PKNOX2: variants seen among roughly 807,000 people sequenced by gnomAD.
PKNOX2 encodes the protein PBX/knotted 1 homeobox 2, also known as homeobox protein PKNOX2.
PKNOX2 carries 14 observed loss-of-function variants against 53.1 expected under a neutral mutation model. The ratio of observed to expected loss-of-function variants is 0.26; its 90% CI spans 0.17 to 0.41. The LOEUF is 0.41. Among genes scored for constraint, PKNOX2 ranks in the 10% least tolerant of loss-of-function variants. The pLI is 1.00. For synonymous variants in PKNOX2, 257 were observed against 242.8 expected (o/e 1.06, Z -0.54); for missense variants, 496 against 602.8 (o/e 0.82, Z 1.85).
intron 3 of PKNOX2, among the ~76,000 whole-genome samples, chr11:125,342,853 T>C (rs2136164343): frequency 6.6e-6 from 1 of 151,614 alleles, no homozygotes; most frequent in South Asian, 2.1e-4. Flanking sequence ...GGCTCTCCAC[T>C]GTCCCGATCC....
intron 5 of PKNOX2, 112 bp from the exon 6 acceptor site, chr11:125,385,439 G>A (rs1428947779): frequency 2.4e-6 from 3 of 1,238,780 alleles, no homozygotes; most frequent in East Asian, 2.5e-5. Flanking sequence ...CAAGGAGTGG[G>A]ACCTTGGGAG....
chr11:125,382,059 C>T (rs539671137), intron 5 of PKNOX2, among the ~76,000 whole-genome samples: 2 of 152,218 alleles, frequency 1.3e-5, no homozygotes, highest in South Asian at 2.1e-4. Flanking sequence ...CCTTACCCCA[C>T]ATGCCACTCA....
At chr11:125,321,442 C>A (rs1949511418) in intron 2 of PKNOX2, among the ~76,000 whole-genome samples, 2 of 152,202 alleles carry the variant, frequency 1.3e-5, no homozygotes, top group African/African-American at 2.4e-5. Context: ...ACTTATAATA[C>A]CTAATACAAT....
intron 10 of PKNOX2, among the ~76,000 whole-genome samples, chr11:125,421,304 C>T (rs763409630): frequency 6.6e-6 from 1 of 152,196 alleles, no homozygotes; most frequent in African/African-American, 2.4e-5. Context: ...CAATCATCTT[C>T]AGAGGGGGCA....
At chr11:125,272,730 C>T (rs1945884909) in intron 2 of PKNOX2, among the ~76,000 whole-genome samples, 1 of 152,184 alleles carries the variant, frequency 6.6e-6, no homozygotes, top group Non-Finnish European at 1.5e-5. Context: ...TGTGGGGTTT[C>T]CCCTTCTTTA....
At chr11:125,315,149 C>T (rs1476689447) in intron 2 of PKNOX2, among the ~76,000 whole-genome samples, 1 of 152,064 alleles carries the variant, frequency 6.6e-6, no homozygotes, top group Non-Finnish European at 1.5e-5. Flanking sequence ...CCCACCCCTG[C>T]TCTCCACAGC....
chr11:125,284,187 TAGC>T (rs1476856966), intron 2 of PKNOX2, among the ~76,000 whole-genome samples: 1 of 152,230 alleles, frequency 6.6e-6, no homozygotes, highest in African/African-American at 2.4e-5. Context: ...AAGAGCTTTG[TAGC>T]AGCCATCCTC....
intron 1 of PKNOX2, chr11:125,190,900 G>C (rs1466125838): frequency 6.6e-6 from 1 of 152,182 alleles, no homozygotes; most frequent in African/African-American, 2.4e-5. Context: ...ACTGCCTCAT[G>C]ACTTTTCATA....
intron 2 of PKNOX2, among the ~76,000 whole-genome samples, chr11:125,242,271 G>T (rs1161555746): frequency 2.5e-4 from 38 of 152,282 alleles, no homozygotes; most frequent in Admixed American, 2.2e-3. Context: ...CTGTAACGGG[G>T]CCCACTGGGG....
intron 4 of PKNOX2, among the ~76,000 whole-genome samples, chr11:125,353,808 C>A (rs116242021): frequency 6.6e-6 from 1 of 152,176 alleles, no homozygotes; most frequent in Non-Finnish European, 1.5e-5. Flanking sequence ...GTCTTTACGG[C>A]CTTGATGAAG....
chr11:125,179,515 C>G (rs1437563038), intron 1 of PKNOX2, among the ~76,000 whole-genome samples: 3 of 88,904 alleles, frequency 3.4e-5, no homozygotes, highest in African/African-American at 1.4e-4. Flanking sequence ...AGTTGAAGGC[C>G]CCCCGGCAGG....
intron 7 of PKNOX2, among the ~76,000 whole-genome samples, chr11:125,406,796 T>TG (rs1434229979): frequency 6.6e-6 from 1 of 151,924 alleles, no homozygotes; most frequent in Non-Finnish European, 1.5e-5. Context: ...AACAGCGTGG[T>TG]GAAAGCTCTC....
intron 1 of PKNOX2, among the ~76,000 whole-genome samples, chr11:125,231,385 T>C (rs1942196261): frequency 6.6e-6 from 1 of 152,254 alleles, no homozygotes; most frequent in Non-Finnish European, 1.5e-5. Context: ...CCTCCTCATT[T>C]ACCATTTCAT....
At chr11:125,322,546 G>A (rs1012886578) in intron 2 of PKNOX2, among the ~76,000 whole-genome samples, 2 of 152,174 alleles carry the variant, frequency 1.3e-5, no homozygotes, top group African/African-American at 2.4e-5. Flanking sequence ...CCAGGATGGC[G>A]CTGCTCTCGT....
chr11:125,430,962 C>T (rs923602912), intron 12 of PKNOX2, among the ~76,000 whole-genome samples: 3 of 152,222 alleles, frequency 2.0e-5, no homozygotes, highest in Non-Finnish European at 4.4e-5. Context: ...GGGAGTGCTG[C>T]TTCCTGAGAT....
chr11:125,240,968 G>A lies in PKNOX2; in HGVS notation c.-130+5853G>A, dbSNP rs764374711. On this transcript the variant is annotated intron_variant, in intron 2 of 12. Transcript: ENST00000298282. The surrounding 1 kb of genome is among the most constrained non-coding windows in gnomAD (Gnocchi z 4.3). ...CAGAGCTAGCCAAGGAGAGCCTCCC[G>A]TATCTGGAGGAGCCTAGCGCTGTGC... 2.6e-5 allele frequency among the ~76,000 whole-genome samples: 4 copies of A among 152,212 alleles called. No individual in the cohort carries two copies. The highest frequency in any genetic ancestry group is 4.4e-5 in the Non-Finnish European group (3 of 68,044).
At chr11:125,276,993 TG>T (rs1484753080) in intron 2 of PKNOX2, among the ~76,000 whole-genome samples, 1 of 152,136 alleles carries the variant, frequency 6.6e-6, no homozygotes, top group African/African-American at 2.4e-5. Flanking sequence ...GAATCAGAGC[TG>T]GGCAAAGAGG....
At chr11:125,253,872 C>T (rs1944197354) in intron 2 of PKNOX2, among the ~76,000 whole-genome samples, 1 of 152,208 alleles carries the variant, frequency 6.6e-6, no homozygotes, top group Middle Eastern at 3.4e-3. Flanking sequence ...TCAGCTCTTC[C>T]CAGGGACCCA....
intron 1 of PKNOX2, among the ~76,000 whole-genome samples, chr11:125,212,446 ATTCTTTT>A (rs1359865734): frequency 1.7e-5 from 2 of 117,650 alleles, no homozygotes; most frequent in Non-Finnish European, 3.5e-5. Flanking sequence ...ATAGGAGGGG[ATTCTTTT>A]TTTTTTTTTT....
Sources: gnomAD v4.1 joint callset for allele counts (sites outside exome capture counted in the v4.1 genomes callset) on GRCh38, gnomAD v4.1.1 for gene constraint, Gnocchi (gnomAD v3.1) non-coding constraint, MANE v1.5 for transcripts, NCBI Gene and HGNC (gene_info 2026-07-23, HGNC 2026-07-21) for gene names.